Variants in STPG2 observed in about 807,000 individuals in gnomAD.
STPG2 encodes sperm tail PG-rich repeat containing 2, also known as sperm-tail PG-rich repeat-containing protein 2.
Under a neutral mutation model 54.2 loss-of-function variants are expected in STPG2, and 56 were observed. The observed-to-expected ratio is 1.03, with a 90% CI of 0.83 to 1.29. STPG2 has a LOEUF of 1.29. Among genes scored for constraint, STPG2 ranks in the 50% most tolerant of loss-of-function variants. STPG2 has a pLI of 0.00. For missense variants in STPG2, 596 were observed against 544.9 expected (o/e 1.09, Z -0.93); for synonymous variants, 200 against 181.8 (o/e 1.10, Z -0.81).
At chr4:97,852,295 G>A (rs1471795710) in intron 8 of STPG2, among the ~76,000 whole-genome samples, 1 of 152,150 alleles carries the variant, frequency 6.6e-6, no homozygotes. Context: ...CTTTGGTTCA[G>A]TATGGCAAGA....
intron 4 of STPG2, among the ~76,000 whole-genome samples, chr4:98,107,351 A>T (rs1739217278): frequency 8.2e-6 from 1 of 122,134 alleles, no homozygotes; most frequent in African/African-American, 3.2e-5. Flanking sequence ...AGGAACTGAG[A>T]CAACTACAAG....
At chr4:98,130,921 C>CAAAA (rs34206321) in intron 2 of STPG2, among the ~76,000 whole-genome samples, 5,910 of 41,146 alleles carry the variant, frequency 0.14, 663 homozygotes, top group Non-Finnish European at 0.21. Context: ...GACTCCGTCT[C>CAAAA]AAAAAAAAAA....
At chr4:97,705,978 A>G (rs1266724179) in intron 10 of STPG2, among the ~76,000 whole-genome samples, 1 of 152,060 alleles carries the variant, frequency 6.6e-6, no homozygotes, top group East Asian at 1.9e-4. Context: ...TGCTTTTTTC[A>G]GTATAGATTT....
chr4:98,061,344 T>G (rs1253882905), intron 5 of STPG2, among the ~76,000 whole-genome samples: 1 of 152,116 alleles, frequency 6.6e-6, no homozygotes, highest in Non-Finnish European at 1.5e-5. Context: ...CTTGCAATCA[T>G]GGTGAAAGAC....
At chr4:98,004,711 C>T (rs1311746593) in intron 5 of STPG2, among the ~76,000 whole-genome samples, 6 of 151,966 alleles carry the variant, frequency 3.9e-5, no homozygotes, top group African/African-American at 1.4e-4. Flanking sequence ...TCTCATTTTG[C>T]TTTTGATTTC....
chr4:97,982,946 T>A (rs190107553), intron 5 of STPG2, among the ~76,000 whole-genome samples: 1 of 152,324 alleles, frequency 6.6e-6, no homozygotes, highest in East Asian at 1.9e-4. Flanking sequence ...TGCCTCTATA[T>A]TTATAATAAG....
chr4:97,607,803 C>T (rs1163859512), intron 10 of STPG2, among the ~76,000 whole-genome samples: 1 of 151,976 alleles, frequency 6.6e-6, no homozygotes, highest in African/African-American at 2.4e-5. Context: ...CAGAAAGAGG[C>T]TAGATGTTAC....
chr4:97,453,850 T>C (rs1560614992), intron 4 of STPG2, among the ~76,000 whole-genome samples: 3 of 152,084 alleles, frequency 2.0e-5, no homozygotes, highest in Admixed American at 6.6e-5. Flanking sequence ...GTTTCAGACA[T>C]AGAAATCAGA....
intron 8 of STPG2, among the ~76,000 whole-genome samples, chr4:97,865,598 A>C (rs1205503106): frequency 6.6e-6 from 1 of 152,048 alleles, no homozygotes; most frequent in Non-Finnish European, 1.5e-5. Flanking sequence ...GTGTATACCC[A>C]GGACAAAAAA....
chr4:97,769,268 C>A (rs1248903353), intron 9 of STPG2, among the ~76,000 whole-genome samples: 1 of 152,098 alleles, frequency 6.6e-6, no homozygotes, highest in African/African-American at 2.4e-5. Context: ...CTCAGGTTAA[C>A]CTAGTACAGA....
chr4:97,758,884 T>G, intron 9 of STPG2, among the ~76,000 whole-genome samples: 1 of 151,722 alleles, frequency 6.6e-6, no homozygotes. Context: ...ACAAGGAAAT[T>G]TTAGATGGAA....
At chr4:97,980,314 G>A (rs933487275) in intron 6 of STPG2, among the ~76,000 whole-genome samples, 1 of 152,202 alleles carries the variant, frequency 6.6e-6, no homozygotes, top group African/African-American at 2.4e-5. Context: ...CCAGGGAATT[G>A]ATCATACAGT....
intron 10 of STPG2, among the ~76,000 whole-genome samples, chr4:97,620,015 G>A (rs939140599): frequency 1.3e-5 from 2 of 151,726 alleles, no homozygotes; most frequent in African/African-American, 4.8e-5. Context: ...TAGTAGAGAC[G>A]GGGTTTCACC....
At chr4:97,732,496 T>C (rs1724834182) in intron 9 of STPG2, among the ~76,000 whole-genome samples, 1 of 152,158 alleles carries the variant, frequency 6.6e-6, no homozygotes, top group Admixed American at 6.5e-5. Context: ...CAGTTGGCTA[T>C]ATATATTTGG....
chr4:97,501,586 C>T (rs1383612881), intron 4 of STPG2, among the ~76,000 whole-genome samples: 1 of 151,562 alleles, frequency 6.6e-6, no homozygotes, highest in Non-Finnish European at 1.5e-5. Flanking sequence ...GTCCTAGCTA[C>T]ATTGAGACTG....
chr4:97,581,161 C>A (rs951604916), intron 10 of STPG2, among the ~76,000 whole-genome samples: 7 of 151,954 alleles, frequency 4.6e-5, no homozygotes, highest in African/African-American at 1.7e-4. Flanking sequence ...AAATTCATTT[C>A]TTTGGTCACA....
At chr4:97,580,554 G>A (rs1732838615) in intron 10 of STPG2, among the ~76,000 whole-genome samples, 1 of 150,068 alleles carries the variant, frequency 6.7e-6, no homozygotes, top group African/African-American at 2.5e-5. Flanking sequence ...CTCTGTCTCT[G>A]TCTCTCTCCC....
chr4:97,594,016 T>G (rs61073968), intron 10 of STPG2, among the ~76,000 whole-genome samples: 20,184 of 152,124 alleles, frequency 0.13, 4,124 homozygotes, highest in African/African-American at 0.44. Flanking sequence ...GGCCAGCAAC[T>G]TCAAAGACTG....
Position 97,444,993 on chromosome 4 carries a change from T to C in STPG2, c.463-257160A>G, listed in dbSNP as rs553185334. On this transcript the variant is annotated intron_variant, in intron 4 of 4. Coordinates refer to the STPG2 transcript ENST00000522676. Reference sequence around the variant, plus strand: ...CAGAGCTTGCAGTGAGTGGAGATCGTGCCACTGCACTCCAGCCTGGGTGAC... The same window carrying C: ...CAGAGCTTGCAGTGAGTGGAGATCGCGCCACTGCACTCCAGCCTGGGTGAC... Among the ~76,000 whole-genome samples the C allele has an allele frequency of 1.8e-3, 272 of 152,228 alleles. 1 individual carries two copies. Among genetic ancestry groups the C allele is most frequent in the African/African-American group, 6.3e-3 (260 of 41,538 alleles).
Sources: gnomAD v4.1 joint callset for allele counts (sites outside exome capture counted in the v4.1 genomes callset) on GRCh38, gnomAD v4.1.1 for gene constraint, MANE v1.5 for transcripts, NCBI Gene and HGNC (gene_info 2026-07-23, HGNC 2026-07-21) for gene names.